STAM2: variants seen among roughly 807,000 people sequenced by gnomAD.
The protein encoded by STAM2 is signal transducing adaptor molecule 2.
STAM2 carries 51 observed loss-of-function variants against 65.6 expected under a neutral mutation model. The ratio of observed to expected loss-of-function variants is 0.78; its 90% confidence interval spans 0.62 to 0.98. The LOEUF is 0.98. STAM2 is among the 50% of genes least tolerant of loss of function. The pLI is 0.00. For synonymous variants in STAM2, 198 were observed against 208.4 expected (o/e 0.95, Z 0.43); for missense variants, 584 against 617.8 (o/e 0.95, Z 0.58).
At chr2:152,147,343 T>C (rs1689353674) in intron 4 of STAM2, 35 bp from the exon 5 acceptor site, 3 of 1,510,588 alleles carry the variant, frequency 2.0e-6, no homozygotes, top group Admixed American at 2.4e-5. Context: ...TAAACAAAAA[T>C]CTACGGTTAA....
At chr2:152,125,130 A>G (rs1317844765) in intron 12 of STAM2, among the ~76,000 whole-genome samples, 1 of 152,240 alleles carries the variant, frequency 6.6e-6, no homozygotes, top group Non-Finnish European at 1.5e-5. Context: ...ATAAAGTTTT[A>G]TCATACAATG....
intron 4 of STAM2, 133 bp downstream of exon 4, chr2:152,147,891 G>A: frequency 4.2e-6 from 3 of 712,192 alleles, no homozygotes; most frequent in Non-Finnish European, 6.9e-6. Context: ...TCAAATTTCA[G>A]AACAGTTTAT....
chr2:152,122,613 A>T (rs1294182212), intron 13 of STAM2, among the ~76,000 whole-genome samples: 1 of 152,146 alleles, frequency 6.6e-6, no homozygotes. Flanking sequence ...TATTCATATA[A>T]TATCTAAAAT....
chr2:152,128,152 A>C (rs2105531113), intron 11 of STAM2, among the ~76,000 whole-genome samples: 1 of 152,340 alleles, frequency 6.6e-6, no homozygotes, highest in African/African-American at 2.4e-5. Flanking sequence ...TTATGCCTGT[A>C]ATCCCAGCAC....
rs1688772944 is a variant in STAM2, at chr2:152,117,655, T to G, written c.*2919A>C. On this transcript the variant is annotated 3_prime_UTR_variant, in exon 14 of 14. Coordinates refer to ENST00000263904, the MANE Select transcript of STAM2 (RefSeq NM_005843.6). Reference sequence around the variant, plus strand: ...ATAATTTATTACTTATCAAAGTAACTCCAGCTTTCTTATAGCAATTCAATA... The same window carrying G: ...ATAATTTATTACTTATCAAAGTAACGCCAGCTTTCTTATAGCAATTCAATA... The G allele has an allele frequency of 6.6e-6, 1 of 152,162 alleles. No homozygotes were observed. Among genetic ancestry groups the G allele is most frequent in the Non-Finnish European group, 1.5e-5 (1 of 68,024 alleles). 9.4% of individuals were successfully genotyped at this position (152,162 alleles called of 1,614,324 possible). A position where few individuals can be genotyped will look rare whatever the true frequency, so the allele number is the denominator to read the frequency against.
At chr2:152,168,549 T>C (rs1015598527) in intron 1 of STAM2, among the ~76,000 whole-genome samples, 1 of 152,216 alleles carries the variant, frequency 6.6e-6, no homozygotes, top group Non-Finnish European at 1.5e-5. Flanking sequence ...TGCTATAGTA[T>C]TATGTTGTAT....
At chr2:152,131,805 G>A (rs1436691709) in intron 11 of STAM2, 10 of 301,218 alleles carry the variant, frequency 3.3e-5, no homozygotes, top group African/African-American at 1.5e-4. Flanking sequence ...AAATACTAGA[G>A]AGTAGGCACA....
chr2:152,119,297 A>G lies in STAM2; in HGVS notation c.*1277T>C, dbSNP rs993825802. The G allele has an allele frequency of 1.3e-5, 2 of 152,216 alleles. No individual in the cohort carries two copies. The highest frequency in any genetic ancestry group is 4.8e-5 in the African/African-American group (2 of 41,472). The allele number at this position is 152,216 out of a possible 1,614,324, so 9.4% of individuals were successfully genotyped here. ...TACTACCAAACTCTCACAGTTATAT[A>G]GAATCTATTAGCACTATAAACTAAC... On this transcript the variant is annotated 3_prime_UTR_variant, in exon 14 of 14. Transcript: ENST00000263904.
chr2:152,151,872 A>G (rs1689452297), intron 1 of STAM2, among the ~76,000 whole-genome samples: 1 of 152,220 alleles, frequency 6.6e-6, no homozygotes, highest in Non-Finnish European at 1.5e-5. Context: ...GCTAAATAAT[A>G]TTCCATTGTA....
chr2:152,132,205 A>C, intron 10 of STAM2, 37 bp from the exon 11 acceptor site: 1 of 1,541,920 alleles, frequency 6.5e-7, no homozygotes, highest in Non-Finnish European at 8.9e-7. Context: ...ATAGAAACTT[A>C]ATCCAGTTTA....
intron 1 of STAM2, among the ~76,000 whole-genome samples, chr2:152,158,638 T>C (rs1188700142): frequency 2.0e-5 from 3 of 152,184 alleles, no homozygotes; most frequent in East Asian, 3.9e-4. Context: ...TAGAACTTTG[T>C]CTTAGTCTGT....
In STAM2 at chr2:152,117,318, C is replaced by A. The variant is rs1400815927; in HGVS notation, c.*3256G>T. The A allele has an allele frequency of 6.6e-6, 1 of 152,072 alleles. No individual in the cohort carries two copies. Among genetic ancestry groups the A allele is most frequent in the Non-Finnish European group, 1.5e-5 (1 of 68,076 alleles). 9.4% of individuals were successfully genotyped at this position (152,072 alleles called of 1,614,324 possible). On this transcript the variant is annotated 3_prime_UTR_variant, in exon 14 of 14. Coordinates refer to ENST00000263904, the MANE Select transcript of STAM2 (RefSeq NM_005843.6). Reference sequence around the variant, plus strand: ...CTGGGACTACAGGTGCACTACCACACCTGGCTAAGTTTTAAAATTTTTGTA... The same window carrying A: ...CTGGGACTACAGGTGCACTACCACAACTGGCTAAGTTTTAAAATTTTTGTA...
At chr2:152,122,042 C>G (rs1399641658) in intron 13 of STAM2, among the ~76,000 whole-genome samples, 1 of 142,622 alleles carries the variant, frequency 7.0e-6, no homozygotes, top group African/African-American at 2.7e-5. Flanking sequence ...AGTGAGACTC[C>G]GTCCCCAAAA....
chr2:152,127,812 T>C, intron 11 of STAM2, among the ~76,000 whole-genome samples: 1 of 152,210 alleles, frequency 6.6e-6, no homozygotes, highest in Non-Finnish European at 1.5e-5. Flanking sequence ...ATAGTTCCCC[T>C]GGGAGTAATA....
At chr2:152,153,918 ACG>A (rs1689494245) in intron 1 of STAM2, among the ~76,000 whole-genome samples, 3 of 149,108 alleles carry the variant, frequency 2.0e-5, no homozygotes, top group Non-Finnish European at 3.0e-5. Flanking sequence ...ACACACACAC[ACG>A]CAAAAATAAT....
intron 1 of STAM2, among the ~76,000 whole-genome samples, chr2:152,166,375 G>A (rs138269740): frequency 1.3e-5 from 2 of 152,292 alleles, no homozygotes; most frequent in East Asian, 1.9e-4. Context: ...AAAATAACAA[G>A]AGATAAAGAA....
chr2:152,170,038 T>C (rs947880647), intron 1 of STAM2, among the ~76,000 whole-genome samples: 1 of 152,066 alleles, frequency 6.6e-6, no homozygotes, highest in South Asian at 2.1e-4. Flanking sequence ...CGTTTCATCA[T>C]GTTGGCCAGG....
chr2:152,160,429 G>C (rs572647240), intron 1 of STAM2, among the ~76,000 whole-genome samples: 1 of 151,774 alleles, frequency 6.6e-6, no homozygotes, highest in East Asian at 2.0e-4. Context: ...CCCCATCTCA[G>C]AAGTGAGGAG....
intron 11 of STAM2, 134 bp downstream of exon 11, chr2:152,131,980 A>T: frequency 1.6e-6 from 1 of 607,574 alleles, no homozygotes; most frequent in Non-Finnish European, 2.8e-6. Context: ...TAAATTTGTT[A>T]AAAGCCTGGG....
Sources: allele counts gnomAD v4.1 joint callset (sites outside exome capture counted in the v4.1 genomes callset), GRCh38; gene constraint gnomAD v4.1.1; transcripts MANE v1.5; gene names NCBI Gene and HGNC (gene_info 2026-07-23, HGNC 2026-07-21).